Variants in PIK3CA observed in about 807,000 individuals in gnomAD.
PIK3CA encodes the protein phosphatidylinositol 4,5-bisphosphate 3-kinase catalytic subunit alpha isoform.
PIK3CA carries 27 observed loss-of-function variants against 138.2 expected under a neutral mutation model. The observed-to-expected ratio is 0.20, with a 90% CI of 0.14 to 0.27. The LOEUF (loss-of-function observed/expected upper bound fraction) is 0.27, where lower values mean the gene tolerates loss of function less well. Among genes scored for constraint, PIK3CA ranks in the 10% least tolerant of loss-of-function variants. The pLI is 1.00. For missense variants in PIK3CA, 544 were observed against 1,277.4 expected (o/e 0.43, Z 8.75); for synonymous variants, 358 against 413.2 (o/e 0.87, Z 1.62).
At chr3:179,163,402 T>A (rs1723334844) in intron 1 of PIK3CA, among the ~76,000 whole-genome samples, 1 of 152,062 alleles carries the variant, frequency 6.6e-6, no homozygotes, top group Non-Finnish European at 1.5e-5. Flanking sequence ...CCCCCTCTAG[T>A]CCAAGCTACT....
chr3:179,224,712 T>A lies in PIK3CA; in HGVS notation c.2307T>A (p.Cys769Ter), dbSNP rs777123905. 1 of 1,605,304 alleles carries A rather than the reference T, an allele frequency of 6.2e-7. No individual in the cohort carries two copies. The highest frequency in any genetic ancestry group is 8.5e-7 in the Non-Finnish European group (1 of 1,173,432). ...HQLGNLRLEE[C>*]RIMSSAKRPL... ...AACTATTTTAAAGGCTTGAAGAGTG[T>A]CGAATTATGTCCTCTGCAAAAAGGC... Residue 769 changes from cysteine (C) to a stop codon, truncating the protein, a stop_gained, in exon 16 of 21, where the codon TGT becomes TGA. Transcript: ENST00000263967. LOFTEE classifies it high-confidence loss of function.
chr3:179,189,527 T>G (rs939401039), intron 1 of PIK3CA, among the ~76,000 whole-genome samples: 1 of 152,168 alleles, frequency 6.6e-6, no homozygotes, highest in Non-Finnish European at 1.5e-5. Flanking sequence ...TCACATTTAC[T>G]GATAATCAGA....
chr3:179,194,417 G>T (rs972151148), intron 1 of PIK3CA, among the ~76,000 whole-genome samples: 2 of 151,944 alleles, frequency 1.3e-5, no homozygotes, highest in Non-Finnish European at 2.9e-5. Flanking sequence ...TAGAGATGGG[G>T]TCTTGAGCCC....
In PIK3CA at chr3:179,238,508, G is replaced by A. The variant is rs1205729352; in HGVS notation, c.*4144G>A. The A allele has an allele frequency of 1.4e-5, 3 of 217,668 alleles. No homozygotes were observed. Among genetic ancestry groups the A allele is most frequent in the African/African-American group, 6.8e-5 (3 of 44,436 alleles). 13.5% of individuals were successfully genotyped at this position (217,668 alleles called of 1,614,324 possible). A position where few individuals can be genotyped will look rare whatever the true frequency, so the allele number is the denominator to read the frequency against. On this transcript the variant is annotated 3_prime_UTR_variant, in exon 21 of 21. Coordinates refer to ENST00000263967, the MANE Select transcript of PIK3CA (RefSeq NM_006218.4). Reference sequence around the variant, plus strand: ...AGAAGGAAAATGGGAAAAAAAAATAGATGAGTCACAATTCAATACTTCAAG... The same window carrying A: ...AGAAGGAAAATGGGAAAAAAAAATAAATGAGTCACAATTCAATACTTCAAG...
intron 9 of PIK3CA, among the ~76,000 whole-genome samples, chr3:179,215,223 T>C (rs1283617425): frequency 1.3e-5 from 2 of 152,222 alleles, no homozygotes; most frequent in Non-Finnish European, 2.9e-5. Flanking sequence ...CTTTTCTGCA[T>C]ATATATTTTT....
At chr3:179,213,221 G>C (rs1443056416) in intron 9 of PIK3CA, among the ~76,000 whole-genome samples, 1 of 152,310 alleles carries the variant, frequency 6.6e-6, no homozygotes, top group East Asian at 1.9e-4. Context: ...GAGTGGTCTA[G>C]TTCTAGACCA....
intron 1 of PIK3CA, among the ~76,000 whole-genome samples, chr3:179,164,155 T>C (rs568841737): frequency 6.6e-6 from 1 of 152,136 alleles, no homozygotes; most frequent in Non-Finnish European, 1.5e-5. Flanking sequence ...AGTACAAGTA[T>C]ACAAAACTAT....
chr3:179,201,158 C>A, intron 3 of PIK3CA, 132 bp from the exon 4 acceptor site: 1 of 719,334 alleles, frequency 1.4e-6, no homozygotes, highest in Non-Finnish European at 2.3e-6. Context: ...CTGATATTTA[C>A]CTAGTTTTAA....
At chr3:179,209,539 A>G in intron 6 of PIK3CA, 56 bp from the exon 7 acceptor site, 1 of 1,031,800 alleles carries the variant, frequency 9.7e-7, no homozygotes, top group South Asian at 1.6e-5. Flanking sequence ...AGTCATTTAT[A>G]TACTTTGATG....
chr3:179,183,847 G>C (rs1723908909), intron 1 of PIK3CA, among the ~76,000 whole-genome samples: 1 of 152,182 alleles, frequency 6.6e-6, no homozygotes, highest in Admixed American at 6.5e-5. Flanking sequence ...ACTTTTTCCA[G>C]TGTCTAATCC....
chr3:179,201,743 C>T (rs1189247511), intron 4 of PIK3CA, among the ~76,000 whole-genome samples: 1 of 151,430 alleles, frequency 6.6e-6, no homozygotes, highest in Non-Finnish European at 1.5e-5. Context: ...GCAGCTGGGA[C>T]TACAGGCGCC....
Position 179,203,084 on chromosome 3 carries a change from G to T in PIK3CA, c.814-460G>T, listed in dbSNP as rs564439144. The stretch of plus-strand genomic sequence containing the variant: ...GCCTCCCAAGTAGCTGGGACTACAG[G>T]CGCCCGCCACTACGCCCGGCTAATT... On this transcript the variant is annotated intron_variant, in intron 4 of 20. Transcript: ENST00000263967. Among the ~76,000 whole-genome samples, 1,098 of 151,038 alleles carry T rather than the reference G, an allele frequency of 7.3e-3. 5 individuals are homozygous for T. Among genetic ancestry groups the T allele is most frequent in the Non-Finnish European group, 0.012 (779 of 67,370 alleles).
rs186085997 is a variant in PIK3CA at position 179,177,352 on chromosome 3, G to T, written c.-76-21398G>T. ...TTTTGAGATGGAGTCTCACTCTGTCGCCCAGGCTGGCGTGCAGTGGCCTGG... is the reference window on the plus strand; with the variant it reads ...TTTTGAGATGGAGTCTCACTCTGTCTCCCAGGCTGGCGTGCAGTGGCCTGG... On this transcript the variant is annotated intron_variant, in intron 1 of 20. Transcript: ENST00000263967. 7.4e-3 allele frequency among the ~76,000 whole-genome samples: 987 copies of T among 132,552 alleles called. 61 individuals carry two copies. In the South Asian group the frequency reaches 0.14, roughly 19 times the overall value. The allele number at this position is 132,552 out of a possible 152,430, so 87.0% of individuals were successfully genotyped here.
intron 1 of PIK3CA, among the ~76,000 whole-genome samples, chr3:179,166,192 T>C (rs967223150): frequency 1.3e-5 from 2 of 152,226 alleles, no homozygotes; most frequent in Non-Finnish European, 2.9e-5. Flanking sequence ...GAAAATGATA[T>C]CTTGAGAAAT....
chr3:179,178,095 A>C (rs1195516509), intron 1 of PIK3CA, among the ~76,000 whole-genome samples: 1 of 146,306 alleles, frequency 6.8e-6, no homozygotes, highest in Non-Finnish European at 1.5e-5. Context: ...AAAAAAAAAA[A>C]AAAGTGTTTG....
In PIK3CA at chr3:179,203,660, C is replaced by T. The variant is rs2108392928; in HGVS notation, c.930C>T (p.Arg310=). ...DCFTMPSYSR[R]ISTATPYMNG... ...TTACAATGCCATCTTATTCCAGACG[C>T]ATTTCCACAGCTACACCATATATGA... is the stretch of plus-strand genomic sequence containing the variant. Residue 310 remains arginine (R), a synonymous_variant, in exon 5 of 21, where the codon CGC becomes CGT. Transcript: ENST00000263967. The T allele has an allele frequency of 6.2e-7, 1 of 1,613,938 alleles. No homozygotes were observed.
At chr3:179,222,865 T>G (rs1317355557) in intron 14 of PIK3CA, among the ~76,000 whole-genome samples, 2 of 152,154 alleles carry the variant, frequency 1.3e-5, no homozygotes, top group Non-Finnish European at 2.9e-5. Flanking sequence ...ATCACAAAGT[T>G]GAAAAATAGT....
chr3:179,162,188 AGT>A (rs1723301016), intron 1 of PIK3CA, among the ~76,000 whole-genome samples: 1 of 152,182 alleles, frequency 6.6e-6, no homozygotes, highest in Non-Finnish European at 1.5e-5. Context: ...TGTATTTAAA[AGT>A]GTGAATTTAT....
intron 1 of PIK3CA, among the ~76,000 whole-genome samples, chr3:179,168,674 CTA>C (rs1441665115): frequency 3.9e-5 from 6 of 151,940 alleles, no homozygotes. Context: ...TCTTTTTGCT[CTA>C]TGTTCTAGCA....
Sources: allele counts gnomAD v4.1 joint callset (sites outside exome capture counted in the v4.1 genomes callset), GRCh38; gene constraint gnomAD v4.1.1; transcripts MANE v1.5; gene names NCBI Gene and HGNC (gene_info 2026-07-23, HGNC 2026-07-21).